MAPK10: variants seen among roughly 807,000 people sequenced by gnomAD.
The protein encoded by MAPK10 is JNK3 alpha protein kinase.
Under a neutral mutation model 59.3 loss-of-function variants are expected in MAPK10, and 25 were observed. The ratio of observed to expected loss-of-function variants is 0.42; its 90% CI spans 0.31 to 0.59. The LOEUF is 0.59. Ranked by LOEUF, MAPK10 falls within the 20% of genes least tolerant of loss-of-function variation. The pLI, the probability that MAPK10 is intolerant of heterozygous loss-of-function variation, is 0.15. For missense variants in MAPK10, 351 were observed against 568.9 expected, an observed-to-expected ratio of 0.62 and a Z score of 3.90; for synonymous variants, 190 against 200.5, an observed-to-expected ratio of 0.95 and a Z score of 0.44.
At chr4:86,264,657 C>T (rs1214336836) in intron 2 of MAPK10, among the ~76,000 whole-genome samples, 1 of 152,138 alleles carries the variant, frequency 6.6e-6, no homozygotes, top group Non-Finnish European at 1.5e-5. Flanking sequence ...ACTTAATTTA[C>T]AGTGAGATTT....
intron 11 of MAPK10, among the ~76,000 whole-genome samples, chr4:86,052,458 G>A (rs924129348): frequency 6.6e-6 from 1 of 152,070 alleles, no homozygotes; most frequent in African/African-American, 2.4e-5. Context: ...CCAGAAAGAT[G>A]TAAATACATA....
chr4:86,411,560 G>T (rs936432299), intron 1 of MAPK10, among the ~76,000 whole-genome samples: 2 of 152,118 alleles, frequency 1.3e-5, no homozygotes, highest in Non-Finnish European at 2.9e-5. Context: ...GGTCTCTAAG[G>T]ACTTGCTTTA....
intron 1 of MAPK10, among the ~76,000 whole-genome samples, chr4:86,391,520 G>A (rs1048191320): frequency 6.6e-6 from 1 of 152,150 alleles, no homozygotes; most frequent in Non-Finnish European, 1.5e-5. Flanking sequence ...CAAGCCAAGT[G>A]TGGAGTGGAA....
At position 86,057,356 on chromosome 4, in the gene MAPK10, A is replaced by G. The variant is rs545495025; in HGVS notation, c.1110+6910T>C. Among the ~76,000 whole-genome samples the G allele has an allele frequency of 2.7e-5, 4 of 150,464 alleles. 1 individual carries two copies. The highest frequency in any genetic ancestry group is 9.9e-5 in the African/African-American group (4 of 40,304). ...GTTGATGCACATCTGGTTGAAGATT[A>G]GCAGATTCTCACTGCAGTTTAGTTA... On this transcript the variant is annotated intron_variant, in intron 11 of 13. Transcript: ENST00000641462.
At chr4:86,495,464 G>T (rs1190058264) in intron 1 of MAPK10, among the ~76,000 whole-genome samples, 1 of 152,080 alleles carries the variant, frequency 6.6e-6, no homozygotes, top group Non-Finnish European at 1.5e-5. Context: ...ATTTCAGGAT[G>T]AATCTCTAAA....
At chr4:86,249,326 T>G (rs1023952727) in intron 2 of MAPK10, among the ~76,000 whole-genome samples, 3 of 152,164 alleles carry the variant, frequency 2.0e-5, no homozygotes, top group African/African-American at 7.2e-5. Context: ...GTGTCTATGA[T>G]TCTCCTGTGC....
At chr4:86,587,637 A>G (rs2149115557) in intron 1 of MAPK10, among the ~76,000 whole-genome samples, 1 of 152,340 alleles carries the variant, frequency 6.6e-6, no homozygotes, top group Admixed American at 6.5e-5. Context: ...TAAAGTAGGG[A>G]AAAACACTAA....
intron 2 of MAPK10, among the ~76,000 whole-genome samples, chr4:86,334,157 T>C (rs1204068188): frequency 6.6e-6 from 1 of 152,180 alleles, no homozygotes; most frequent in Non-Finnish European, 1.5e-5. Context: ...CAGTGTTCTC[T>C]TTCTCTAAAA....
At chr4:86,572,035 A>T (rs1318256340) in intron 1 of MAPK10, among the ~76,000 whole-genome samples, 2 of 152,060 alleles carry the variant, frequency 1.3e-5, no homozygotes, top group Non-Finnish European at 2.9e-5. Flanking sequence ...GCTAGCTTTA[A>T]ATGTATATAT....
In MAPK10 at chr4:86,130,466, C is replaced by T. The variant is rs573090323; in HGVS notation, c.237-23114G>A. On this transcript the variant is annotated intron_variant, in intron 4 of 13. Coordinates refer to ENST00000641462, the MANE Select transcript of MAPK10 (RefSeq NM_138982.4). ...GGTCAAAAGGAGAAAATACTAGATG[C>T]TAATGGAAAGGTCTTATTTTAAGGA... 2.3e-3 allele frequency among the ~76,000 whole-genome samples: 353 copies of T among 151,890 alleles called. 1 individual carries two copies. Among genetic ancestry groups the T allele is most frequent in the Middle Eastern group, 6.8e-3 (2 of 294 alleles).
rs185665599 is a variant in MAPK10, at chr4:86,546,917, G to T, written c.-263+46993C>A. ...TAAATATACAAAAAATTAGCTGGGC[G>T]TGGTGGCGGGCACCTGTAGTCCCAG... is the stretch of plus-strand genomic sequence containing the variant. On this transcript the variant is annotated intron_variant, in intron 1 of 4. Coordinates refer to the MAPK10 transcript ENST00000502302. 2.6e-5 allele frequency among the ~76,000 whole-genome samples: 4 copies of T among 152,198 alleles called. No homozygotes were observed. The East Asian group carries it at 7.8e-4, about 30-fold the overall frequency.
At chr4:86,327,349 G>C (rs1424180647) in intron 2 of MAPK10, 4 of 151,750 alleles carry the variant, frequency 2.6e-5, no homozygotes, top group Non-Finnish European at 5.9e-5. Flanking sequence ...ACCAAACAGG[G>C]ATACCTTTAA....
intron 2 of MAPK10, among the ~76,000 whole-genome samples, chr4:86,229,055 C>G (rs1031360900): frequency 3.8e-4 from 58 of 152,236 alleles, no homozygotes; most frequent in African/African-American, 1.2e-3. Context: ...TTGAAATTTT[C>G]AACCTTCATT....
chr4:86,505,038 A>G (rs1755625574), intron 1 of MAPK10, among the ~76,000 whole-genome samples: 1 of 152,088 alleles, frequency 6.6e-6, no homozygotes, highest in Non-Finnish European at 1.5e-5. Flanking sequence ...CTATTTTTTC[A>G]TACTAGTCAA....
intron 13 of MAPK10, chr4:86,027,548 T>G (rs1210984198): frequency 6.6e-6 from 1 of 152,230 alleles, no homozygotes; most frequent in Admixed American, 6.5e-5. Flanking sequence ...AGTGAATAAA[T>G]ATTTATAATA....
At chr4:86,569,130 T>C (rs1378536505) in intron 1 of MAPK10, among the ~76,000 whole-genome samples, 7 of 151,792 alleles carry the variant, frequency 4.6e-5, no homozygotes, top group Admixed American at 3.9e-4. Context: ...CACTAAAAAG[T>C]AGGCAGAGGA....
In MAPK10 at chr4:86,331,086, T is replaced by C. The variant is rs191154346; in HGVS notation, c.-7+23444A>G. ...GACAAGTAGTTCAAGACTGTTGGGATAAACTTAGCTAGAGTGCAGGTCATA... is the reference window on the plus strand; with the variant it reads ...GACAAGTAGTTCAAGACTGTTGGGACAAACTTAGCTAGAGTGCAGGTCATA... On this transcript the variant is annotated intron_variant, in intron 2 of 13. Coordinates refer to ENST00000641462, the MANE Select transcript of MAPK10 (RefSeq NM_138982.4). Among the ~76,000 whole-genome samples, 36 of 152,280 alleles carry C rather than the reference T, an allele frequency of 2.4e-4. No homozygotes were observed. In the East Asian group the frequency reaches 6.8e-3, roughly 29 times the overall value.
intron 2 of MAPK10, among the ~76,000 whole-genome samples, chr4:86,234,334 T>C (rs2091980374): frequency 6.6e-6 from 1 of 152,166 alleles, no homozygotes; most frequent in African/African-American, 2.4e-5. Context: ...TTTTGTCTCA[T>C]AAAAATGTAT....
At chr4:86,571,549 G>GT (rs1761456517) in intron 1 of MAPK10, among the ~76,000 whole-genome samples, 1 of 152,034 alleles carries the variant, frequency 6.6e-6, no homozygotes, top group Admixed American at 6.6e-5. Flanking sequence ...ATATGATCAA[G>GT]TAACAATTGA....
Sources: allele counts gnomAD v4.1 joint callset (sites outside exome capture counted in the v4.1 genomes callset), GRCh38; gene constraint gnomAD v4.1.1; transcripts MANE v1.5; gene names NCBI Gene and HGNC (gene_info 2026-07-23, HGNC 2026-07-21).